Variants in TPST1 observed in about 807,000 individuals in gnomAD.
TPST1 encodes tyrosylprotein sulfotransferase 1.
Under a neutral mutation model 34.8 loss-of-function variants are expected in TPST1, and 20 were observed. That is an observed-to-expected ratio of 0.57 (90% confidence interval 0.40 to 0.84). The LOEUF (loss-of-function observed/expected upper bound fraction) is 0.84. Ranked by LOEUF, TPST1 falls within the 40% of genes least tolerant of loss-of-function variation. The pLI, the probability that TPST1 is intolerant of heterozygous loss-of-function variation, is 0.00. For synonymous variants in TPST1, 152 were observed against 159.4 expected (o/e 0.95, Z 0.35); for missense variants, 353 against 455.5 (o/e 0.78, Z 2.05).
intron 3 of TPST1, among the ~76,000 whole-genome samples, chr7:66,302,238 T>A (rs1012844030): frequency 1.3e-5 from 2 of 152,238 alleles, no homozygotes; most frequent in African/African-American, 2.4e-5. Flanking sequence ...CAAATGAGAT[T>A]AAGGAAATTT....
At chr7:66,313,090 A>G (rs117953205) in intron 3 of TPST1, among the ~76,000 whole-genome samples, 5,600 of 151,700 alleles carry the variant, frequency 0.037, 169 homozygotes, top group East Asian at 0.094. Context: ...ATATCAAGGC[A>G]CAAAAAAATG....
intron 2 of TPST1, among the ~76,000 whole-genome samples, chr7:66,273,240 A>G (rs1389921999): frequency 6.6e-6 from 1 of 152,226 alleles, no homozygotes; most frequent in Non-Finnish European, 1.5e-5. Flanking sequence ...GAGGTGAAAG[A>G]CTTGTACACT....
intron 3 of TPST1, among the ~76,000 whole-genome samples, chr7:66,293,396 G>T (rs1791127748): frequency 1.3e-5 from 2 of 152,114 alleles, no homozygotes; most frequent in Admixed American, 1.3e-4. Context: ...CCAGCTACTT[G>T]GGAGGCTGAG....
At chr7:66,249,766 C>A (rs1255741176) in intron 2 of TPST1, among the ~76,000 whole-genome samples, 1 of 152,198 alleles carries the variant, frequency 6.6e-6, no homozygotes, top group Admixed American at 6.5e-5. Context: ...ATTGCCACAC[C>A]ATTTATTTAA....
intron 1 of TPST1, among the ~76,000 whole-genome samples, chr7:66,216,005 T>C (rs13244209): frequency 0.61 from 92,756 of 151,638 alleles, 28,985 homozygotes; most frequent in African/African-American, 0.73. Context: ...TCTCCTGACC[T>C]TGTGATCCGC....
chr7:66,320,685 G>A (rs548021240), intron 3 of TPST1, among the ~76,000 whole-genome samples: 19 of 151,072 alleles, frequency 1.3e-4, no homozygotes, highest in African/African-American at 2.9e-4. Flanking sequence ...CACAACCTCC[G>A]CCTCCCAGGT....
intron 2 of TPST1, among the ~76,000 whole-genome samples, chr7:66,272,370 C>T (rs1407730964): frequency 1.3e-5 from 2 of 152,068 alleles, no homozygotes; most frequent in African/African-American, 2.4e-5. Flanking sequence ...GGACAAAAAT[C>T]GTATGATCAC....
intron 3 of TPST1, among the ~76,000 whole-genome samples, chr7:66,339,452 C>A (rs1176096409): frequency 6.6e-6 from 1 of 152,140 alleles, no homozygotes; most frequent in Non-Finnish European, 1.5e-5. Context: ...CCTACTCAAA[C>A]TCCTCAAAAC....
At chr7:66,252,248 C>T (rs1251357408) in intron 2 of TPST1, among the ~76,000 whole-genome samples, 1 of 151,488 alleles carries the variant, frequency 6.6e-6, no homozygotes, top group Non-Finnish European at 1.5e-5. Context: ...TTAGTAGAGA[C>T]AGGGTTTCAC....
intron 5 of TPST1, among the ~76,000 whole-genome samples, chr7:66,357,945 G>A (rs1028500003): frequency 6.6e-6 from 1 of 152,152 alleles, no homozygotes; most frequent in Non-Finnish European, 1.5e-5. Context: ...TTAGCTGGGT[G>A]TGGTGGCAGG....
intron 1 of TPST1, among the ~76,000 whole-genome samples, chr7:66,217,862 G>A (rs1000701163): frequency 2.1e-4 from 31 of 151,074 alleles, no homozygotes; most frequent in Non-Finnish European, 3.8e-4. Flanking sequence ...GGGATTACAG[G>A]TGTGAGCCAC....
intron 2 of TPST1, among the ~76,000 whole-genome samples, chr7:66,247,626 C>A (rs112692155): frequency 2.0e-5 from 3 of 152,092 alleles, no homozygotes; most frequent in Non-Finnish European, 4.4e-5. Flanking sequence ...TAAAGGGAAG[C>A]GCATTTAGTT....
At chr7:66,267,747 C>A (rs1260337816) in intron 2 of TPST1, among the ~76,000 whole-genome samples, 1 of 152,140 alleles carries the variant, frequency 6.6e-6, no homozygotes, top group Non-Finnish European at 1.5e-5. Context: ...ATTTGTTAAA[C>A]TTCCATTATG....
At chr7:66,259,633 T>C (rs1175911542) in intron 2 of TPST1, among the ~76,000 whole-genome samples, 1 of 152,216 alleles carries the variant, frequency 6.6e-6, no homozygotes, top group Non-Finnish European at 1.5e-5. Context: ...TCTGGATTCA[T>C]GGCAAACTTG....
intron 3 of TPST1, among the ~76,000 whole-genome samples, chr7:66,295,128 A>T (rs1791166968): frequency 6.6e-6 from 1 of 152,018 alleles, no homozygotes; most frequent in Admixed American, 6.6e-5. Flanking sequence ...TTAAGGTAGG[A>T]TCAATAAAAA....
In TPST1 at chr7:66,342,727, G is replaced by A. The variant is rs544568427; in HGVS notation, c.1045-9778G>A. Among the ~76,000 whole-genome samples, 38 of 152,122 alleles carry A rather than the reference G, an allele frequency of 2.5e-4. No individual in the cohort carries two copies. The Middle Eastern group carries it at 0.01, about 41-fold the overall frequency. ...AGAGAGAGCAAGAGAGAGAGGGGAG[G>A]GAGGTGCCAGACTCTTGAACAACCA... On this transcript the variant is annotated intron_variant, in intron 3 of 5. Transcript: ENST00000304842.
chr7:66,343,721 A>G (rs773874318), intron 3 of TPST1, among the ~76,000 whole-genome samples: 1 of 152,244 alleles, frequency 6.6e-6, no homozygotes, highest in Non-Finnish European at 1.5e-5. Flanking sequence ...ACAAAAACTT[A>G]CAAGACATGC....
chr7:66,296,237 C>T (rs886413736), intron 3 of TPST1, among the ~76,000 whole-genome samples: 12 of 126,674 alleles, frequency 9.5e-5, no homozygotes, highest in African/African-American at 3.7e-4. Context: ...AATTAAAAAA[C>T]ACCCACCCTT....
chr7:66,339,086 C>T (rs1015431000), intron 3 of TPST1, among the ~76,000 whole-genome samples: 2 of 137,666 alleles, frequency 1.5e-5, no homozygotes, highest in African/African-American at 5.4e-5. Flanking sequence ...ATTGGCAAAC[C>T]TTTCAGAAGA....
Sources: allele counts gnomAD v4.1 joint callset (sites outside exome capture counted in the v4.1 genomes callset), GRCh38; gene constraint gnomAD v4.1.1; transcripts MANE v1.5; gene names NCBI Gene and HGNC (gene_info 2026-07-23, HGNC 2026-07-21).